Variants in ENTPD3 observed in about 807,000 individuals in gnomAD.
The protein encoded by ENTPD3 is CD39 antigen-like 3.
ENTPD3 carries 60 observed loss-of-function variants against 51.2 expected under a neutral mutation model. The ratio of observed to expected loss-of-function variants is 1.17; its 90% CI spans 0.95 to 1.45. The LOEUF (loss-of-function observed/expected upper bound fraction) is 1.45. Among genes scored for constraint, ENTPD3 ranks in the 40% most tolerant of loss-of-function variants. ENTPD3 has a pLI of 0.00. For synonymous variants in ENTPD3, 221 were observed against 238.4 expected (o/e 0.93, Z 0.67); for missense variants, 593 against 641.1 (o/e 0.93, Z 0.81).
chr3:40,408,880 A>G (rs1955562753), intron 4 of ENTPD3, among the ~76,000 whole-genome samples: 1 of 152,064 alleles, frequency 6.6e-6, no homozygotes, highest in African/African-American at 2.4e-5. Context: ...TAAAAGTAGA[A>G]AAGGAAGTAA....
chr3:40,410,357 C>T (rs1022061896), intron 4 of ENTPD3, among the ~76,000 whole-genome samples: 2 of 151,074 alleles, frequency 1.3e-5, no homozygotes, highest in Non-Finnish European at 2.9e-5. Context: ...ACAAGAATCG[C>T]TTGAATCTGG....
rs376386024 is a variant in ENTPD3 at position 40,427,402 on chromosome 3, C to G, written c.1484C>G (p.Thr495Arg). ...PVFVGTLAFFTAAALLCLAFL... is the reference protein window; with the variant it reads ...PVFVGTLAFFRAAALLCLAFL... Reference sequence around the variant, plus strand: ...TTTGTGGGCACCCTCGCTTTCTTCACAGCGGCAGCCTTGCTGTGTCTGGCA... The same window carrying G: ...TTTGTGGGCACCCTCGCTTTCTTCAGAGCGGCAGCCTTGCTGTGTCTGGCA... Residue 495 changes from threonine (T) to arginine (R), a missense_variant, in exon 11 of 11, where the codon ACA becomes AGA. Coordinates refer to ENST00000301825, the MANE Select transcript of ENTPD3 (RefSeq NM_001248.4). 21 of 1,614,168 alleles carry G rather than the reference C, an allele frequency of 1.3e-5. No individual in the cohort carries two copies. The highest frequency in any genetic ancestry group is 1.6e-5 in the Non-Finnish European group (19 of 1,180,028).
chr3:40,391,624 C>A (rs1575206412), intron 2 of ENTPD3: 1 of 168,286 alleles, frequency 5.9e-6, no homozygotes, highest in Non-Finnish European at 1.2e-5. Flanking sequence ...TGCAGTGAGC[C>A]AAGATCACGG....
chr3:40,391,852 G>A, intron 2 of ENTPD3, 171 bp from the exon 3 acceptor site: 1 of 720,512 alleles, frequency 1.4e-6, no homozygotes, highest in Non-Finnish European at 2.4e-6. Context: ...CCCCAAAACT[G>A]GGGAGAAGGG....
chr3:40,397,025 C>T (rs1460690718), intron 3 of ENTPD3, among the ~76,000 whole-genome samples: 1 of 151,938 alleles, frequency 6.6e-6, no homozygotes, highest in African/African-American at 2.4e-5. Flanking sequence ...TCCCTTTTAA[C>T]CCTCATTGAG....
chr3:40,426,688 A>G (rs900968767), intron 10 of ENTPD3, among the ~76,000 whole-genome samples: 3 of 152,216 alleles, frequency 2.0e-5, no homozygotes, highest in Non-Finnish European at 4.4e-5. Flanking sequence ...GAAAGCTGGT[A>G]TAACTATTTA....
intron 4 of ENTPD3, among the ~76,000 whole-genome samples, chr3:40,411,298 A>T (rs527317785): frequency 8.3e-6 from 1 of 120,390 alleles, no homozygotes; most frequent in African/African-American, 3.9e-5. Context: ...CTCAGAAAAA[A>T]AAAAAAAGAA....
intron 10 of ENTPD3, 23 bp from the exon 11 acceptor site, chr3:40,427,249 G>C: frequency 1.9e-6 from 3 of 1,589,622 alleles, no homozygotes; most frequent in Non-Finnish European, 2.6e-6. Context: ...CCTGAGCGCT[G>C]AGCCATCTCC....
Position 40,392,162 on chromosome 3 carries a change from G to A in ENTPD3, c.168+12G>A. 6 of 1,612,986 alleles carry A rather than the reference G, an allele frequency of 3.7e-6. No homozygotes were observed. The highest frequency in any genetic ancestry group is 5.1e-6 in the Non-Finnish European group (6 of 1,179,300). ...CTCCAGGACTGAAGGTAAGTGTGAA[G>A]GGACTGGCAACAAAGGGAAGAAATG... On this transcript the variant is annotated intron_variant, in intron 3 of 10. Coordinates refer to ENST00000301825, the MANE Select transcript of ENTPD3 (RefSeq NM_001248.4).
chr3:40,399,505 C>T (rs1325133078), intron 3 of ENTPD3: 9 of 152,212 alleles, frequency 5.9e-5, no homozygotes, highest in Admixed American at 5.9e-4. Flanking sequence ...GAGAATCCAT[C>T]TGAGTCAGCT....
At chr3:40,426,543 C>T (rs990163426) in intron 10 of ENTPD3, among the ~76,000 whole-genome samples, 1 of 151,930 alleles carries the variant, frequency 6.6e-6, no homozygotes, top group African/African-American at 2.4e-5. Flanking sequence ...ACTAAACCTA[C>T]CAGTTAAAAG....
At chr3:40,397,115 G>GTTTTTTTTTTTTT (rs1437880969) in intron 3 of ENTPD3, among the ~76,000 whole-genome samples, 1 of 23,882 alleles carries the variant, frequency 4.2e-5, no homozygotes, top group African/African-American at 1.1e-4. Flanking sequence ...TGGATAATTA[G>GTTTTTTTTTTTTT]TTTCTTTTTT....
At chr3:40,390,460 G>A (rs1955027347) in intron 2 of ENTPD3, among the ~76,000 whole-genome samples, 2 of 152,090 alleles carry the variant, frequency 1.3e-5, no homozygotes, top group African/African-American at 2.4e-5. Context: ...GCCTCCCAAA[G>A]CTGGGATTAC....
intron 3 of ENTPD3, among the ~76,000 whole-genome samples, chr3:40,400,275 A>G (rs1055358395): frequency 6.6e-6 from 1 of 151,986 alleles, no homozygotes; most frequent in Non-Finnish European, 1.5e-5. Flanking sequence ...AAAAAAAAAA[A>G]AAAAAAGAAA....
chr3:40,424,644 A>T, intron 10 of ENTPD3: 1 of 652,598 alleles, frequency 1.5e-6, no homozygotes, highest in Non-Finnish European at 2.8e-6. Context: ...AGCTGGAATC[A>T]CAGCTGTCAC....
At chr3:40,423,435 AC>A in intron 9 of ENTPD3, 34 bp downstream of exon 9, 3 of 1,399,242 alleles carry the variant, frequency 2.1e-6, no homozygotes, top group African/African-American at 1.4e-5. Flanking sequence ...CAATGTCAGT[AC>A]AAAAAAATAT....
chr3:40,393,888 C>CA (rs1005303240), intron 3 of ENTPD3, among the ~76,000 whole-genome samples: 2 of 151,052 alleles, frequency 1.3e-5, no homozygotes, highest in African/African-American at 4.9e-5. Flanking sequence ...ACTAAAAATA[C>CA]AAAAAATTAG....
At position 40,427,758 on chromosome 3, in the gene ENTPD3, G is replaced by A. The variant is rs1018885881; in HGVS notation, c.*250G>A. On this transcript the variant is annotated 3_prime_UTR_variant, in exon 11 of 11. Transcript: ENST00000301825. ...CTATTGGGGAACAGAGAAGAGACAG[G>A]CCACGAAGGTCAGGCTCTTTATATT... 5.7e-6 allele frequency: 3 copies of A among 529,258 alleles called. No individual in the cohort carries two copies. Among genetic ancestry groups the A allele is most frequent in the Non-Finnish European group, 1.0e-5 (3 of 293,428 alleles). The allele number at this position is 529,258 out of a possible 1,614,324, so 32.8% of individuals were successfully genotyped here.
chr3:40,395,228 A>G (rs1401985820), intron 3 of ENTPD3, among the ~76,000 whole-genome samples: 1 of 152,248 alleles, frequency 6.6e-6, no homozygotes, highest in East Asian at 1.9e-4. Context: ...TGGTTAAGGC[A>G]GTTGCCAGCT....
Sources: allele counts gnomAD v4.1 joint callset (sites outside exome capture counted in the v4.1 genomes callset), GRCh38; gene constraint gnomAD v4.1.1; transcripts MANE v1.5; gene names NCBI Gene and HGNC (gene_info 2026-07-23, HGNC 2026-07-21).